TMED5: variants seen among roughly 807,000 people sequenced by gnomAD.
TMED5 encodes the protein transmembrane p24 trafficking protein 5.
In TMED5, 27 loss-of-function variants were observed where a neutral mutation model predicts 23.0. That is an observed-to-expected ratio of 1.17 (90% CI 0.86 to 1.62). The LOEUF (loss-of-function observed/expected upper bound fraction) is 1.62. Ranked by LOEUF, TMED5 falls within the 40% of genes most tolerant of loss-of-function variation. The pLI, the probability that TMED5 is intolerant of heterozygous loss-of-function variation, is 0.00. For missense variants in TMED5, 248 were observed against 273.7 expected, an observed-to-expected ratio of 0.91 and a Z score of 0.66; for synonymous variants, 97 against 100.8, an observed-to-expected ratio of 0.96 and a Z score of 0.23.
rs142621868 is a variant in TMED5, at chr1:93,156,014, C to A, written c.471+286G>T. 9,716 of 1,327,094 alleles carry A rather than the reference C, an allele frequency of 7.3e-3. 48 individuals are homozygous for A. The highest frequency in any genetic ancestry group is 8.3e-3 in the Non-Finnish European group (8,189 of 984,146). The allele number at this position is 1,327,094 out of a possible 1,614,324, so 82.2% of individuals were successfully genotyped here. A position where few individuals can be genotyped will look rare whatever the true frequency, so the allele number is the denominator to read the frequency against. ...ATTTATAATTTAAAAATTCTAACTGCACATTTATAAAACAAACTTACCAAG... is the reference window on the plus strand; with the variant it reads ...ATTTATAATTTAAAAATTCTAACTGAACATTTATAAAACAAACTTACCAAG... On this transcript the variant is annotated intron_variant, in intron 3 of 3. Transcript: ENST00000370282.
rs1031086551 is a variant in TMED5, at chr1:93,152,658, G to C, written c.*2012C>G. The C allele has an allele frequency of 6.6e-5, 10 of 152,632 alleles. No homozygotes were observed. Among genetic ancestry groups the C allele is most frequent in the South Asian group, 2.1e-4 (1 of 4,830 alleles). 9.5% of individuals were successfully genotyped at this position (152,632 alleles called of 1,614,324 possible). On this transcript the variant is annotated 3_prime_UTR_variant, in exon 4 of 4. Transcript: ENST00000370282. Reference sequence around the variant, plus strand: ...ATTCATTGTTAGGTAAGGAGTCAGAGAGTACAGTACAGTAACAGCCATACA... The same window carrying C: ...ATTCATTGTTAGGTAAGGAGTCAGACAGTACAGTACAGTAACAGCCATACA...
intron 1 of TMED5, among the ~76,000 whole-genome samples, chr1:93,164,337 T>C (rs1648405605): frequency 6.6e-6 from 1 of 152,092 alleles, no homozygotes; most frequent in Non-Finnish European, 1.5e-5. Flanking sequence ...GAGCTTGAGA[T>C]TTAATATCCC....
At position 93,152,441 on chromosome 1, in the gene TMED5, T is replaced by A. The variant is rs954522539; in HGVS notation, c.*2229A>T. The A allele has an allele frequency of 2.0e-5, 3 of 152,238 alleles. No homozygotes were observed. Among genetic ancestry groups the A allele is most frequent in the African/African-American group, 7.2e-5 (3 of 41,466 alleles). 9.4% of individuals were successfully genotyped at this position (152,238 alleles called of 1,614,324 possible). A position where few individuals can be genotyped will look rare whatever the true frequency, so the allele number is the denominator to read the frequency against. On this transcript the variant is annotated 3_prime_UTR_variant, in exon 4 of 4. Coordinates refer to ENST00000370282, the MANE Select transcript of TMED5 (RefSeq NM_016040.5). ...AAATATTAAAGATTTTTACTCTGTT[T>A]ACAAGTTTTGCTTTTTTGGTTATGC...
At chr1:93,174,993 T>C (rs1648853836) in intron 1 of TMED5, among the ~76,000 whole-genome samples, 1 of 150,080 alleles carries the variant, frequency 6.7e-6, no homozygotes, top group Non-Finnish European at 1.5e-5. Flanking sequence ...TATATTCCTC[T>C]GGGTGTGTAC....
chr1:93,174,957 G>A (rs1008166708), intron 1 of TMED5, among the ~76,000 whole-genome samples: 2 of 150,560 alleles, frequency 1.3e-5, no homozygotes, highest in African/African-American at 4.9e-5. Flanking sequence ...ACATTCGCAT[G>A]CATGTGTCTT....
chr1:93,162,784 A>G (rs1342838894), intron 1 of TMED5: 3 of 152,242 alleles, frequency 2.0e-5, no homozygotes. Context: ...AGTAGTAGAG[A>G]ACTGCAAAAT....
chr1:93,165,254 T>C (rs1356570316), intron 1 of TMED5, among the ~76,000 whole-genome samples: 1 of 152,238 alleles, frequency 6.6e-6, no homozygotes, highest in African/African-American at 2.4e-5. Flanking sequence ...ATTTTGTGGT[T>C]GATTAGTTTT....
intron 1 of TMED5, among the ~76,000 whole-genome samples, chr1:93,172,971 T>C (rs1408980948): frequency 6.6e-6 from 1 of 152,132 alleles, no homozygotes; most frequent in Non-Finnish European, 1.5e-5. Flanking sequence ...CATTATCTCA[T>C]ATGTGGAATT....
intron 1 of TMED5, chr1:93,161,437 G>A (rs956287862): frequency 6.6e-6 from 1 of 152,116 alleles, no homozygotes; most frequent in Non-Finnish European, 1.5e-5. Flanking sequence ...CCATTCTCCT[G>A]AATAGGTACT....
rs1169779384 is a variant in TMED5, at chr1:93,153,423, AC to A, written c.*1246del. Reference sequence around the variant, plus strand: ...ATATGTACACCCAGTGCTAAACCTTACAGTAGGGCTTACATTTTATAAAATG... The same window carrying A: ...ATATGTACACCCAGTGCTAAACCTTAAGTAGGGCTTACATTTTATAAAATG... On this transcript the variant is annotated 3_prime_UTR_variant, in exon 4 of 4. Coordinates refer to ENST00000370282, the MANE Select transcript of TMED5 (RefSeq NM_016040.5). 1.3e-5 allele frequency: 2 copies of A among 152,184 alleles called. No individual in the cohort carries two copies. The highest frequency in any genetic ancestry group is 2.9e-5 in the Non-Finnish European group (2 of 67,986). The allele number at this position is 152,184 out of a possible 1,614,324, so 9.4% of individuals were successfully genotyped here.
intron 1 of TMED5, among the ~76,000 whole-genome samples, chr1:93,178,096 C>T (rs576553425): frequency 6.6e-6 from 1 of 152,272 alleles, no homozygotes; most frequent in Non-Finnish European, 1.5e-5. Context: ...CACACTGCAT[C>T]CAGTGATCTG....
chr1:93,162,114 A>C (rs986593832), intron 1 of TMED5: 3 of 152,000 alleles, frequency 2.0e-5, no homozygotes, highest in African/African-American at 7.2e-5. Context: ...AAAAAAAAAA[A>C]ACCTAACTCA....
At chr1:93,168,617 C>T (rs1232516449) in intron 1 of TMED5, among the ~76,000 whole-genome samples, 3 of 152,180 alleles carry the variant, frequency 2.0e-5, no homozygotes, top group Admixed American at 1.3e-4. Flanking sequence ...AGGCGGATCA[C>T]GAGGTCAGGA....
intron 1 of TMED5, among the ~76,000 whole-genome samples, chr1:93,172,312 G>C (rs1339085101): frequency 6.6e-6 from 1 of 151,604 alleles, no homozygotes; most frequent in Non-Finnish European, 1.5e-5. Flanking sequence ...CTAAAGAACT[G>C]CCAAAAAAAA....
intron 1 of TMED5, among the ~76,000 whole-genome samples, chr1:93,166,219 C>T (rs1413178928): frequency 6.6e-6 from 1 of 152,216 alleles, no homozygotes; most frequent in African/African-American, 2.4e-5. Flanking sequence ...AGTGCTTCAA[C>T]AAACATGGGA....
rs1237755066 is a variant in TMED5 at position 93,151,613 on chromosome 1, CTTTCCTTTCATATA to C, written c.*3043_*3056del. ...ATACCAAACTTTAAGAACTGATTATCTTTCCTTTCATATATTTTGAGCAAAAACTGTACCTTTTA... is the reference window on the plus strand; with the variant it reads ...ATACCAAACTTTAAGAACTGATTATCTTTTGAGCAAAAACTGTACCTTTTA... On this transcript the variant is annotated 3_prime_UTR_variant, in exon 4 of 4. Coordinates refer to ENST00000370282, the MANE Select transcript of TMED5 (RefSeq NM_016040.5). The C allele has an allele frequency of 6.6e-6, 1 of 152,160 alleles. No homozygotes were observed. Among genetic ancestry groups the C allele is most frequent in the African/African-American group, 2.4e-5 (1 of 41,440 alleles). 9.4% of individuals were successfully genotyped at this position (152,160 alleles called of 1,614,324 possible).
chr1:93,159,333 A>G (rs1019951633), intron 2 of TMED5, among the ~76,000 whole-genome samples: 19 of 152,162 alleles, frequency 1.2e-4, no homozygotes, highest in Admixed American at 1.2e-3. Flanking sequence ...ACTCTATCTC[A>G]TAGTGTAATG....
chr1:93,154,772 A>G lies in TMED5; in HGVS notation c.588T>C (p.Asn196=). 2 of 1,614,014 alleles carry G rather than the reference A, an allele frequency of 1.2e-6. No homozygotes were observed. The highest frequency in any genetic ancestry group is 8.5e-7 in the Non-Finnish European group (1 of 1,179,944). The change falls in exon 4 of 4, where the codon AAT becomes AAC. Residue 196 remains asparagine (N), a synonymous_variant. Coordinates refer to ENST00000370282, the MANE Select transcript of TMED5 (RefSeq NM_016040.5). ...NIQESNFDRV[N]FWSMVNLVVM... ...CCACTAAATTAACCATAGACCAGAA[A>G]TTGACTCTATCAAAGTTGCTTTCTT...
chr1:93,166,427 G>A (rs1283872718), intron 1 of TMED5, among the ~76,000 whole-genome samples: 4 of 152,130 alleles, frequency 2.6e-5, no homozygotes, highest in Non-Finnish European at 5.9e-5. Flanking sequence ...GCCAGCATTT[G>A]TTATTACCTG....
Sources: allele counts gnomAD v4.1 joint callset (sites outside exome capture counted in the v4.1 genomes callset), GRCh38; gene constraint gnomAD v4.1.1; transcripts MANE v1.5; gene names NCBI Gene and HGNC (gene_info 2026-07-23, HGNC 2026-07-21).